MPHOSPH9: variants seen among roughly 807,000 people sequenced by gnomAD.
The protein encoded by MPHOSPH9 is M-phase phosphoprotein 9.
A neutral mutation model predicts 145.5 loss-of-function variants in MPHOSPH9; 88 were observed. That is an observed-to-expected ratio of 0.60 (90% CI 0.51 to 0.72). The LOEUF is 0.72. Ranked by LOEUF, MPHOSPH9 falls within the 30% of genes least tolerant of loss-of-function variation. MPHOSPH9 has a pLI of 0.00. For missense variants in MPHOSPH9, 1,238 were observed against 1,386.6 expected (o/e 0.89, Z 1.70); for synonymous variants, 435 against 486.2 (o/e 0.89, Z 1.39).
chr12:123,197,032 T>G (rs78331687), intron 12 of MPHOSPH9, among the ~76,000 whole-genome samples: 7 of 5,836 alleles, frequency 1.2e-3, no homozygotes, highest in Admixed American at 4.5e-3. Context: ...GGGGTGTGGG[T>G]TTTTTTTTTT....
chr12:123,235,442 G>A (rs2047830701), upstream of MPHOSPH9, among the ~76,000 whole-genome samples: 1 of 151,984 alleles, frequency 6.6e-6, no homozygotes, highest in Non-Finnish European at 1.5e-5. Context: ...TCAGCTCACT[G>A]CAAGCTCCGC....
chr12:123,221,345 C>T (rs2047193774), intron 5 of MPHOSPH9, 27 bp downstream of exon 5: 1 of 1,504,752 alleles, frequency 6.6e-7, no homozygotes, highest in Non-Finnish European at 9.0e-7. Context: ...TAATAAACTC[C>T]CTTCAAATGA....
Position 123,164,612 on chromosome 12 carries a change from T to A in MPHOSPH9, c.2768-522A>T, listed in dbSNP as rs561869871. On this transcript the variant is annotated intron_variant, in intron 18 of 23. Coordinates refer to ENST00000606320, the MANE Select transcript of MPHOSPH9 (RefSeq NM_022782.4). ...AGAGGAAATGTTATATCTCACTTCATGAATACCAAATGCCTATCACAGCCT... is the reference window on the plus strand; with the variant it reads ...AGAGGAAATGTTATATCTCACTTCAAGAATACCAAATGCCTATCACAGCCT... Among the ~76,000 whole-genome samples, 7 of 152,328 alleles carry A rather than the reference T, an allele frequency of 4.6e-5. No homozygotes were observed. The East Asian group carries it at 9.6e-4, about 21-fold the overall frequency.
chr12:123,177,764 AT>A (rs1194735629), intron 15 of MPHOSPH9, among the ~76,000 whole-genome samples: 3 of 152,022 alleles, frequency 2.0e-5, no homozygotes, highest in Non-Finnish European at 4.4e-5. Flanking sequence ...TAATCCTAAT[AT>A]GTATATAACC....
chr12:123,213,104 C>A (rs2046814549), intron 7 of MPHOSPH9, among the ~76,000 whole-genome samples: 1 of 152,004 alleles, frequency 6.6e-6, no homozygotes. Flanking sequence ...CGTGATCCGC[C>A]CGACCTGGCC....
intron 7 of MPHOSPH9, among the ~76,000 whole-genome samples, chr12:123,212,439 C>T (rs1014838570): frequency 1.3e-5 from 2 of 152,108 alleles, no homozygotes; most frequent in Admixed American, 6.6e-5. Flanking sequence ...CCTGTAATCC[C>T]AGCACTTTGG....
Position 123,161,287 on chromosome 12 carries a change from G to A in MPHOSPH9, c.3230C>T (p.Thr1077Ile). ...PNGVKKVSVRTAWEKNKSVSY... is the reference protein window; with the variant it reads ...PNGVKKVSVRIAWEKNKSVSY... ...AACTGATTTATTCTTCTCCCAGGCT[G>A]TTCTCACAGATACTTTCTTCACTCC... is the stretch of plus-strand genomic sequence containing the variant. The change falls in exon 22 of 24, where the codon ACA (threonine) becomes ATA (isoleucine). Residue 1077 changes from threonine to isoleucine, a missense_variant. By Grantham distance (89) the Thr-to-Ile change is moderately conservative. Coordinates refer to ENST00000606320, the MANE Select transcript of MPHOSPH9 (RefSeq NM_022782.4). 3 of 1,614,074 alleles carry A rather than the reference G, an allele frequency of 1.9e-6. No homozygotes were observed. The highest frequency in any genetic ancestry group is 2.5e-6 in the Non-Finnish European group (3 of 1,180,014).
intron 16 of MPHOSPH9, among the ~76,000 whole-genome samples, chr12:123,171,205 G>A (rs2044563431): frequency 6.6e-6 from 1 of 152,184 alleles, no homozygotes; most frequent in Non-Finnish European, 1.5e-5. Flanking sequence ...TGTAATCCCA[G>A]CACTTTGGGA....
At chr12:123,152,520 T>C, downstream of MPHOSPH9, 1 of 455,036 alleles carries the variant, frequency 2.2e-6, no homozygotes, top group South Asian at 1.6e-5. Context: ...AGTGAAATTG[T>C]TAGATGTAAA....
intron 1 of MPHOSPH9, among the ~76,000 whole-genome samples, chr12:123,239,483 A>G (rs1038595432): frequency 1.3e-5 from 2 of 151,846 alleles, no homozygotes; most frequent in African/African-American, 2.4e-5. Context: ...GCTCACCGCA[A>G]TCTCCACCTC....
chr12:123,230,706 G>A (rs558120739), intron 1 of MPHOSPH9, among the ~76,000 whole-genome samples, 184 bp from the exon 2 acceptor site: 5 of 152,160 alleles, frequency 3.3e-5, no homozygotes, highest in East Asian at 3.9e-4. Context: ...ATGGATAAAC[G>A]AATGAAGCAT....
At chr12:123,190,163 T>A (rs2045614439) in intron 13 of MPHOSPH9, among the ~76,000 whole-genome samples, 1 of 151,016 alleles carries the variant, frequency 6.6e-6, no homozygotes, top group South Asian at 2.1e-4. Flanking sequence ...TCTCTTTTTT[T>A]TTTTTTTGAG....
chr12:123,181,052 C>G, intron 14 of MPHOSPH9, 111 bp downstream of exon 14: 1 of 956,382 alleles, frequency 1.0e-6, no homozygotes, highest in Non-Finnish European at 1.7e-6. Context: ...AGTTCAACAG[C>G]TACGGAGGTT....
chr12:123,236,392 G>A (rs1391220492), upstream of MPHOSPH9, among the ~76,000 whole-genome samples: 7 of 151,738 alleles, frequency 4.6e-5, no homozygotes, highest in Admixed American at 2.6e-4. Context: ...CCATGAGTTC[G>A]AGACCTGCCT....
intron 13 of MPHOSPH9, among the ~76,000 whole-genome samples, chr12:123,187,737 G>A (rs1048335722): frequency 6.6e-6 from 1 of 152,188 alleles, no homozygotes; most frequent in Non-Finnish European, 1.5e-5. Context: ...GTAAGGGAAG[G>A]AAAATCTATT....
intron 8 of MPHOSPH9, among the ~76,000 whole-genome samples, chr12:123,209,703 C>T (rs2851443): frequency 0.59 from 88,983 of 150,078 alleles, 30,701 homozygotes; most frequent in Non-Finnish European, 0.75. Context: ...CAGGCCACCA[C>T]GCCCAGTCCA....
At chr12:123,232,249 C>T (rs1396898981) in intron 1 of MPHOSPH9, among the ~76,000 whole-genome samples, 1 of 151,906 alleles carries the variant, frequency 6.6e-6, no homozygotes, top group Non-Finnish European at 1.5e-5. Flanking sequence ...TAATCCGGAT[C>T]CGGATGCAGA....
upstream of MPHOSPH9, among the ~76,000 whole-genome samples, chr12:123,236,511 T>G (rs1394150169): frequency 6.6e-6 from 1 of 152,054 alleles, no homozygotes. Flanking sequence ...AGAAGCTTGC[T>G]TGAGCCCAGG....
chr12:123,202,940 C>G lies in MPHOSPH9; in HGVS notation c.1465G>C (p.Asp489His). ...VLEPSMSSPSDIDSFSQASNV... is the reference protein window; with the variant it reads ...VLEPSMSSPSHIDSFSQASNV... Reference sequence around the variant, plus strand: ...CTTGCTTGTGAAAATGAGTCTATGTCAGAGGGACTAGACATACTAGGCTCT... The same window carrying G: ...CTTGCTTGTGAAAATGAGTCTATGTGAGAGGGACTAGACATACTAGGCTCT... The change falls in exon 10 of 24, where the codon GAC becomes CAC. Residue 489 changes from aspartate (D) to histidine (H), a missense_variant. Physicochemically the swap from Asp to His is moderately conservative, Grantham distance 81. This residue lies in a region of MPHOSPH9 where 837 missense variants were observed against 897.5 expected (regional missense o/e 0.93). Coordinates refer to ENST00000606320, the MANE Select transcript of MPHOSPH9 (RefSeq NM_022782.4). The G allele has an allele frequency of 6.2e-7, 1 of 1,614,084 alleles. No homozygotes were observed. The highest frequency in any genetic ancestry group is 8.5e-7 in the Non-Finnish European group (1 of 1,180,022).
Sources: allele counts gnomAD v4.1 joint callset (sites outside exome capture counted in the v4.1 genomes callset), GRCh38; gene constraint gnomAD v4.1.1; regional missense constraint gnomAD v4.1.1; transcripts MANE v1.5; gene names NCBI Gene and HGNC (gene_info 2026-07-23, HGNC 2026-07-21).